The following VAX2 variants were observed in gnomAD, a reference collection of about 807,000 sequenced individuals.
The protein encoded by VAX2 is ventral anterior homeobox 2.
Under a neutral mutation model 12.5 loss-of-function variants are expected in VAX2, and 8 were observed. That is an observed-to-expected ratio of 0.64 (90% CI 0.37 to 1.15). VAX2 has a LOEUF of 1.15. Among genes scored for constraint, VAX2 ranks in the 50% most tolerant of loss-of-function variants. The pLI is 0.01. For synonymous variants in VAX2, 183 were observed against 187.6 expected, an observed-to-expected ratio of 0.98 and a Z score of 0.20; for missense variants, 476 against 412.9, an observed-to-expected ratio of 1.15 and a Z score of -1.32.
intron 1 of VAX2, among the ~76,000 whole-genome samples, chr2:70,917,568 C>G (rs1362299986): frequency 1.3e-5 from 2 of 152,132 alleles, no homozygotes; most frequent in Non-Finnish European, 2.9e-5. Flanking sequence ...ATAGGTGTTT[C>G]TTATTGCAGC....
intron 1 of VAX2, among the ~76,000 whole-genome samples, chr2:70,914,113 G>A (rs1180941652): frequency 6.6e-6 from 1 of 152,086 alleles, no homozygotes; most frequent in Admixed American, 6.6e-5. Flanking sequence ...TATATACTTT[G>A]GAGCACCTGA....
At chr2:70,916,923 G>A (rs1188559990) in intron 1 of VAX2, among the ~76,000 whole-genome samples, 2 of 152,110 alleles carry the variant, frequency 1.3e-5, no homozygotes, top group African/African-American at 2.4e-5. Flanking sequence ...GGCCCAGGCA[G>A]GTGGATCACC....
At chr2:70,917,209 C>A (rs1260254633) in intron 1 of VAX2, among the ~76,000 whole-genome samples, 1 of 149,782 alleles carries the variant, frequency 6.7e-6, no homozygotes, top group African/African-American at 2.5e-5. Context: ...GTAACCCCAG[C>A]TACTCAGGAG....
intron 1 of VAX2, among the ~76,000 whole-genome samples, chr2:70,906,078 A>T (rs1402424213): frequency 6.6e-6 from 1 of 152,246 alleles, no homozygotes; most frequent in Non-Finnish European, 1.5e-5. Context: ...TTGGAGAGCC[A>T]GTAGCCGGTT....
chr2:70,905,854 CCT>C (rs1354876484), intron 1 of VAX2, among the ~76,000 whole-genome samples: 8 of 152,204 alleles, frequency 5.3e-5, no homozygotes, highest in African/African-American at 1.9e-4. Flanking sequence ...CTCAAGTCTT[CCT>C]CTTTTGCGCA....
chr2:70,903,203 T>A (rs1317522174), intron 1 of VAX2, among the ~76,000 whole-genome samples: 1 of 152,186 alleles, frequency 6.6e-6, no homozygotes, highest in African/African-American at 2.4e-5. Context: ...CCATAGGCCT[T>A]CAATACACTT....
At chr2:70,925,852 G>A (rs1206934049) in intron 2 of VAX2, among the ~76,000 whole-genome samples, 1 of 152,152 alleles carries the variant, frequency 6.6e-6, no homozygotes, top group Non-Finnish European at 1.5e-5. Flanking sequence ...CTGAGTATGT[G>A]CTCCAACTGC....
At chr2:70,915,838 T>C (rs1188284435) in intron 1 of VAX2, among the ~76,000 whole-genome samples, 4 of 152,166 alleles carry the variant, frequency 2.6e-5, no homozygotes, top group African/African-American at 9.7e-5. Context: ...TATCCCCTTA[T>C]CTTGTACTTC....
intron 1 of VAX2, among the ~76,000 whole-genome samples, chr2:70,919,987 T>A (rs1679416127): frequency 6.6e-6 from 1 of 152,244 alleles, no homozygotes; most frequent in African/African-American, 2.4e-5. Context: ...TCTGGCCGCG[T>A]TGCAAACTCC....
In VAX2 at chr2:70,933,284, C is replaced by T. The variant is rs1572901658; in HGVS notation, c.*80C>T. ...GCCCCAGCGGACAGCACTGAGCAGG[C>T]CCCGGAGAGGAGGGGCTGCAGCCAC... On this transcript the variant is annotated 3_prime_UTR_variant, in exon 3 of 3. Transcript: ENST00000234392. 7.5e-7 allele frequency: 1 copy of T among 1,341,032 alleles called. No individual in the cohort carries two copies. Among genetic ancestry groups the T allele is most frequent in the Non-Finnish European group, 9.7e-7 (1 of 1,029,024 alleles). The allele number at this position is 1,341,032 out of a possible 1,614,324, so 83.1% of individuals were successfully genotyped here. A position where few individuals can be genotyped will look rare whatever the true frequency, so the allele number is the denominator to read the frequency against.
At chr2:70,928,262 C>T (rs1679616803) in intron 2 of VAX2, among the ~76,000 whole-genome samples, 1 of 152,320 alleles carries the variant, frequency 6.6e-6, no homozygotes, top group Non-Finnish European at 1.5e-5. Flanking sequence ...CTTACTCTCA[C>T]CCTTGAAGTT....
At chr2:70,907,466 G>T (rs556603322) in intron 1 of VAX2, among the ~76,000 whole-genome samples, 1 of 152,368 alleles carries the variant, frequency 6.6e-6, no homozygotes, top group African/African-American at 2.4e-5. Context: ...CGGCTCACAC[G>T]GCTGCAGCCC....
intron 1 of VAX2, among the ~76,000 whole-genome samples, chr2:70,905,607 G>C (rs1450890802): frequency 6.6e-6 from 1 of 152,154 alleles, no homozygotes; most frequent in Non-Finnish European, 1.5e-5. Flanking sequence ...TCCCTCCTCA[G>C]GCGATTTCTG....
intron 1 of VAX2, among the ~76,000 whole-genome samples, chr2:70,912,597 G>T (rs1332428334): frequency 6.6e-6 from 1 of 152,186 alleles, no homozygotes; most frequent in African/African-American, 2.4e-5. Flanking sequence ...GGGAGGCGGA[G>T]GTTGCAGTGA....
rs781959585 is a variant in VAX2 at position 70,933,032 on chromosome 2, C to T, written c.701C>T (p.Ser234Leu). ...NSSPRLNPLS[S>L]ASASPPLPPP... ...TCCCCACGCCTCAACCCGCTGTCCT[C>T]GGCCTCAGCGTCCCCCCCACTGCCG... The change falls in exon 3 of 3, where the codon TCG (serine) becomes TTG (leucine). Residue 234 changes from serine to leucine, a missense_variant. Coordinates refer to ENST00000234392, the MANE Select transcript of VAX2 (RefSeq NM_012476.3). The T allele has an allele frequency of 4.4e-6, 7 of 1,598,216 alleles. No homozygotes were observed. Among genetic ancestry groups the T allele is most frequent in the African/African-American group, 2.7e-5 (2 of 74,554 alleles).
intron 1 of VAX2, among the ~76,000 whole-genome samples, chr2:70,916,018 A>G (rs1679299453): frequency 6.6e-6 from 1 of 152,166 alleles, no homozygotes; most frequent in Non-Finnish European, 1.5e-5. Context: ...TTTCTAGTAA[A>G]CATTAAAATA....
chr2:70,906,520 CTTTTTT>C lies in VAX2; in HGVS notation c.247+5673_247+5678del, dbSNP rs869309305. ...CTTTCTTTTTTTTTCTTTTCTTTTC[CTTTTTT>C]TTTTTTTTTTTTTTTTTTTTAGATA... On this transcript the variant is annotated intron_variant, in intron 1 of 2. Coordinates refer to ENST00000234392, the MANE Select transcript of VAX2 (RefSeq NM_012476.3). Among the ~76,000 whole-genome samples the C allele has an allele frequency of 5.4e-3, 330 of 60,586 alleles. 1 individual carries two copies. The highest frequency in any genetic ancestry group is 0.014 in the African/African-American group (175 of 12,244). 39.7% of individuals were successfully genotyped at this position (60,586 alleles called of 152,430 possible).
intron 1 of VAX2, among the ~76,000 whole-genome samples, chr2:70,901,308 G>A (rs1553409746): frequency 6.6e-6 from 1 of 152,264 alleles, no homozygotes; most frequent in Non-Finnish European, 1.5e-5. Flanking sequence ...CAGGGCGGCC[G>A]GGGTGCTTCC....
intron 2 of VAX2, among the ~76,000 whole-genome samples, chr2:70,931,361 T>A (rs1441905351): frequency 6.6e-6 from 1 of 152,212 alleles, no homozygotes; most frequent in Non-Finnish European, 1.5e-5. Flanking sequence ...ACCTGCCACA[T>A]CCAGTCACAC....
Sources: gnomAD v4.1 joint callset for allele counts (sites outside exome capture counted in the v4.1 genomes callset) on GRCh38, gnomAD v4.1.1 for gene constraint, MANE v1.5 for transcripts, NCBI Gene and HGNC (gene_info 2026-07-23, HGNC 2026-07-21) for gene names.